SLC7A14: variants seen among roughly 807,000 people sequenced by gnomAD.
The protein encoded by SLC7A14 is solute carrier family 7 member 14.
A neutral mutation model predicts 60.2 loss-of-function variants in SLC7A14; 37 were observed. The observed-to-expected ratio is 0.61, with a 90% confidence interval of 0.47 to 0.81. The LOEUF (loss-of-function observed/expected upper bound fraction) is 0.81. Ranked by LOEUF, SLC7A14 falls within the 30% of genes least tolerant of loss-of-function variation. The pLI is 0.00. For synonymous variants in SLC7A14, 399 were observed against 395.8 expected (o/e 1.01, Z -0.10); for missense variants, 886 against 982.7 (o/e 0.90, Z 1.32).
intron 7 of SLC7A14, among the ~76,000 whole-genome samples, chr3:170,477,560 C>T (rs978755278): frequency 1.3e-5 from 2 of 152,194 alleles, no homozygotes; most frequent in Non-Finnish European, 2.9e-5. Flanking sequence ...AAGCACGGTA[C>T]AAGTGCTCAT....
At chr3:170,533,954 G>T (rs1412227229) in intron 1 of SLC7A14, among the ~76,000 whole-genome samples, 1 of 152,080 alleles carries the variant, frequency 6.6e-6, no homozygotes, top group East Asian at 1.9e-4. Context: ...CGTTTTACTT[G>T]GAATATCTTT....
Position 170,526,983 on chromosome 3 carries a change from T to C in SLC7A14, c.-47A>G, listed in dbSNP as rs373843602. On this transcript the variant is annotated 5_prime_UTR_variant, in exon 2 of 8. Coordinates refer to ENST00000231706, the MANE Select transcript of SLC7A14 (RefSeq NM_020949.3). ...TGAAGGTCAGCTGATGGAAGGGGGC[T>C]ACAAAGCCTTAGTGGATGGTTCTGG... is the stretch of plus-strand genomic sequence containing the variant. 5.8e-6 allele frequency: 9 copies of C among 1,559,484 alleles called. No homozygotes were observed. The African/African-American group carries it at 1.1e-4, about 19-fold the overall frequency.
chr3:170,542,162 A>C (rs1380436150), intron 1 of SLC7A14, among the ~76,000 whole-genome samples: 2 of 152,200 alleles, frequency 1.3e-5, no homozygotes, highest in Non-Finnish European at 2.9e-5. Flanking sequence ...AGGAGCCAAG[A>C]GGCAGGATTC....
intron 2 of SLC7A14, among the ~76,000 whole-genome samples, chr3:170,509,699 C>T (rs527936733): frequency 3.3e-5 from 5 of 151,850 alleles, no homozygotes; most frequent in Admixed American, 6.6e-5. Context: ...AATCCCAGCA[C>T]TTTGGGAGGC....
intron 1 of SLC7A14, among the ~76,000 whole-genome samples, chr3:170,530,533 G>C (rs1328197992): frequency 6.6e-6 from 1 of 152,194 alleles, no homozygotes; most frequent in Non-Finnish European, 1.5e-5. Context: ...CCAGGGGGCT[G>C]GTCAGCCAAG....
intron 2 of SLC7A14, among the ~76,000 whole-genome samples, chr3:170,507,910 AG>A (rs1389584020): frequency 6.6e-6 from 1 of 152,126 alleles, no homozygotes; most frequent in East Asian, 1.9e-4. Context: ...GTGGACCCCC[AG>A]GGCTGTACTG....
intron 1 of SLC7A14, 91 bp from the exon 2 acceptor site, chr3:170,527,179 T>C (rs1713535914): frequency 3.6e-6 from 2 of 548,604 alleles, no homozygotes; most frequent in Non-Finnish European, 6.5e-6. Context: ...TGTCCTGAAC[T>C]GGTAGAACTG....
intron 2 of SLC7A14, among the ~76,000 whole-genome samples, chr3:170,504,520 C>CA (rs998762026): frequency 6.6e-5 from 10 of 152,096 alleles, no homozygotes; most frequent in African/African-American, 2.2e-4. Flanking sequence ...GGGGTTTCTC[C>CA]ATGTTGGCCA....
chr3:170,485,847 A>G (rs776211418), intron 5 of SLC7A14, among the ~76,000 whole-genome samples: 4 of 152,204 alleles, frequency 2.6e-5, no homozygotes, highest in Non-Finnish European at 5.9e-5. Context: ...ACAGAAGAGC[A>G]TTGAGGAAAG....
intron 7 of SLC7A14, among the ~76,000 whole-genome samples, chr3:170,471,994 A>AT (rs1319369335): frequency 7.3e-5 from 11 of 151,682 alleles, no homozygotes; most frequent in Admixed American, 6.6e-5. Flanking sequence ...GGCTGGAATT[A>AT]TTTTTTTTGA....
chr3:170,479,244 G>C (rs1711733327), intron 7 of SLC7A14, among the ~76,000 whole-genome samples: 2 of 152,162 alleles, frequency 1.3e-5, no homozygotes, highest in African/African-American at 4.8e-5. Flanking sequence ...TTTAGGCAGG[G>C]TTTACTCTTC....
chr3:170,544,767 G>C (rs1471815912), intron 1 of SLC7A14, among the ~76,000 whole-genome samples: 1 of 152,210 alleles, frequency 6.6e-6, no homozygotes, highest in Non-Finnish European at 1.5e-5. Flanking sequence ...CTGTGAGAGA[G>C]ATACTATTTT....
chr3:170,483,294 T>C lies in SLC7A14; in HGVS notation c.1115+20A>G. 1 of 1,613,694 alleles carries C rather than the reference T, an allele frequency of 6.2e-7. No individual in the cohort carries two copies. The highest frequency in any genetic ancestry group is 8.5e-7 in the Non-Finnish European group (1 of 1,179,764). ...CAGACGTGGCAGAGCAGGATAAATT[T>C]CATGGAGCATAGCCCTTACCTGAAA... On this transcript the variant is annotated intron_variant, in intron 6 of 7. Coordinates refer to ENST00000231706, the MANE Select transcript of SLC7A14 (RefSeq NM_020949.3).
chr3:170,537,480 G>A (rs1456745715), intron 1 of SLC7A14, among the ~76,000 whole-genome samples: 1 of 152,062 alleles, frequency 6.6e-6, no homozygotes, highest in Non-Finnish European at 1.5e-5. Context: ...ACATCTCTGG[G>A]GAACATTATT....
chr3:170,481,098 G>T lies in SLC7A14; in HGVS notation c.1184C>A (p.Ala395Glu). The change falls in exon 7 of 8, where the codon GCA becomes GAA. Residue 395 changes from alanine to glutamate, a missense_variant. By Grantham distance (107) the Ala-to-Glu change is moderately radical. Coordinates refer to ENST00000231706, the MANE Select transcript of SLC7A14 (RefSeq NM_020949.3). ...GCTGACCAACAGTGCGAGGAGCGCT[G>T]CCAGGAACCCCGACACGATGCAGGC... Reference protein sequence around the residue: ...VVACIVSGFLAALLALLVSLR... With the variant: ...VVACIVSGFLEALLALLVSLR... The T allele has an allele frequency of 6.2e-7, 1 of 1,614,094 alleles. No individual in the cohort carries two copies. The highest frequency in any genetic ancestry group is 8.5e-7 in the Non-Finnish European group (1 of 1,179,998).
intron 2 of SLC7A14, among the ~76,000 whole-genome samples, chr3:170,514,223 G>A (rs140751486): frequency 6.6e-6 from 1 of 152,232 alleles, no homozygotes; most frequent in African/African-American, 2.4e-5. Flanking sequence ...CACATGCAAA[G>A]CTCCTGAGCT....
At chr3:170,524,286 T>C (rs1713426682) in intron 2 of SLC7A14, among the ~76,000 whole-genome samples, 1 of 152,204 alleles carries the variant, frequency 6.6e-6, no homozygotes, top group South Asian at 2.1e-4. Flanking sequence ...GTATGCACCA[T>C]TAGTACTCTT....
rs573814796 is a variant in SLC7A14 at position 170,534,025 on chromosome 3, A to G, written c.-152-6937T>C. Among the ~76,000 whole-genome samples, 5 of 152,364 alleles carry G rather than the reference A, an allele frequency of 3.3e-5. No individual in the cohort carries two copies. In the South Asian group the frequency reaches 1.0e-3, roughly 32 times the overall value. On this transcript the variant is annotated intron_variant, in intron 1 of 7. Coordinates refer to ENST00000231706, the MANE Select transcript of SLC7A14 (RefSeq NM_020949.3). ...TAGCTATGCAAATAAGATTGCACCA[A>G]TTAAGCTTCCTTTTCAAAGCTTGTT...
At chr3:170,510,379 G>A (rs1240822431) in intron 2 of SLC7A14, among the ~76,000 whole-genome samples, 2 of 114,390 alleles carry the variant, frequency 1.7e-5, no homozygotes, top group African/African-American at 6.5e-5. Flanking sequence ...GACAGAGCAA[G>A]ACTCTGTCAA....
Sources: allele counts gnomAD v4.1 joint callset (sites outside exome capture counted in the v4.1 genomes callset), GRCh38; gene constraint gnomAD v4.1.1; transcripts MANE v1.5; gene names NCBI Gene and HGNC (gene_info 2026-07-23, HGNC 2026-07-21).